RUNX1: variants seen among roughly 807,000 people sequenced by gnomAD.
RUNX1 encodes runt-related transcription factor 1.
A neutral mutation model predicts 42.8 loss-of-function variants in RUNX1; 19 were observed. The observed-to-expected ratio is 0.44, with a 90% CI of 0.31 to 0.65. The LOEUF (loss-of-function observed/expected upper bound fraction) is 0.65, where lower values mean the gene tolerates loss of function less well. Ranked by LOEUF, RUNX1 falls within the 30% of genes least tolerant of loss-of-function variation. The pLI, the probability that RUNX1 is intolerant of heterozygous loss-of-function variation, is 0.07. For missense variants in RUNX1, 528 were observed against 672.0 expected, an observed-to-expected ratio of 0.79 and a Z score of 2.37; for synonymous variants, 271 against 289.4, an observed-to-expected ratio of 0.94 and a Z score of 0.64.
At chr21:34,850,150 T>C (rs2409534) in intron 6 of RUNX1, among the ~76,000 whole-genome samples, 52,491 of 151,944 alleles carry the variant, frequency 0.35, 9,330 homozygotes, top group East Asian at 0.52. Flanking sequence ...GCACAGGAGT[T>C]GATGTATTTT....
At chr21:34,908,576 A>AGG (rs201708857) in intron 2 of RUNX1, among the ~76,000 whole-genome samples, 2 of 152,192 alleles carry the variant, frequency 1.3e-5, no homozygotes, top group Non-Finnish European at 2.9e-5. Flanking sequence ...TTTTGTGGAC[A>AGG]GGGGGGTCGG....
intron 2 of RUNX1, among the ~76,000 whole-genome samples, chr21:35,030,952 C>G (rs1748648504): frequency 6.6e-6 from 1 of 152,194 alleles, no homozygotes; most frequent in Admixed American, 6.5e-5. Flanking sequence ...AAGGTACACA[C>G]ATGTCCAGTA....
intron 6 of RUNX1, among the ~76,000 whole-genome samples, chr21:34,849,278 T>A (rs1454967274): frequency 1.8e-4 from 12 of 66,582 alleles, no homozygotes; most frequent in East Asian, 1.7e-3. Context: ...AATATATATA[T>A]AATATATATT....
At chr21:34,888,865 C>CCGCGCCG (rs2058038003) in intron 3 of RUNX1, among the ~76,000 whole-genome samples, 1 of 151,452 alleles carries the variant, frequency 6.6e-6, no homozygotes, top group South Asian at 2.1e-4. Context: ...GCCCCCGCCG[C>CCGCGCCG]CGCGCCGCGC....
chr21:34,801,100 C>T (rs1031616550), intron 7 of RUNX1, among the ~76,000 whole-genome samples: 1 of 151,474 alleles, frequency 6.6e-6, no homozygotes, highest in Non-Finnish European at 1.5e-5. Context: ...AAGTATTTTG[C>T]TCCAAGTGAA....
intron 6 of RUNX1, among the ~76,000 whole-genome samples, chr21:34,848,947 G>T (rs1039381835): frequency 2.6e-5 from 4 of 151,854 alleles, no homozygotes; most frequent in African/African-American, 9.7e-5. Flanking sequence ...TATTTCAAAT[G>T]TTTACTCTTT....
In RUNX1 at chr21:34,788,105, A is replaced by G. The variant is rs2056390679; in HGVS notation, c.*4030T>C. The G allele has an allele frequency of 1.3e-5, 3 of 233,322 alleles. No homozygotes were observed. Among genetic ancestry groups the G allele is most frequent in the Non-Finnish European group, 2.5e-5 (3 of 118,060 alleles). The allele number at this position is 233,322 out of a possible 1,614,324, so 14.5% of individuals were successfully genotyped here. On this transcript the variant is annotated 3_prime_UTR_variant, in exon 9 of 9. Coordinates refer to ENST00000675419, the MANE Select transcript of RUNX1 (RefSeq NM_001754.5). ...ATCTGGCTGAAGACACCAGCTTGAC[A>G]GTTCCCCTTTAAGAAGCATTCCATA...
chr21:34,860,320 G>T (rs966738267), intron 5 of RUNX1, among the ~76,000 whole-genome samples: 3 of 152,208 alleles, frequency 2.0e-5, no homozygotes, highest in African/African-American at 7.2e-5. Context: ...AACATTTCTT[G>T]TTGGTAAAGT....
chr21:34,879,045 G>GTT (rs2146350275), intron 5 of RUNX1, among the ~76,000 whole-genome samples: 1 of 152,304 alleles, frequency 6.6e-6, no homozygotes, highest in East Asian at 1.9e-4. Flanking sequence ...AATTAAGAGA[G>GTT]TTAGCTAGGC....
At position 34,976,077 on chromosome 21, in the gene RUNX1, C is replaced by A. The variant is rs113505664; in HGVS notation, c.58+72765G>T. 4.5e-3 allele frequency among the ~76,000 whole-genome samples: 654 copies of A among 146,652 alleles called. 9 individuals carry two copies. The highest frequency in any genetic ancestry group is 0.016 in the African/African-American group (632 of 39,534). On this transcript the variant is annotated intron_variant, in intron 2 of 8. Transcript: ENST00000675419. ...GTTTAACTCTGAAAATTACTTGTGT[C>A]TTATTGGAAATTTGGAGGGAGATTG...
intron 7 of RUNX1, among the ~76,000 whole-genome samples, chr21:34,828,680 G>A (rs538167633): frequency 5.3e-5 from 8 of 152,260 alleles, no homozygotes; most frequent in African/African-American, 1.9e-4. Flanking sequence ...TGAGTCATAA[G>A]GGCTCCATCC....
At chr21:34,812,275 G>A (rs2056768007) in intron 7 of RUNX1, among the ~76,000 whole-genome samples, 1 of 152,154 alleles carries the variant, frequency 6.6e-6, no homozygotes, top group Non-Finnish European at 1.5e-5. Flanking sequence ...GCTACACAAG[G>A]GGAATTTGTT....
rs1027126950 is a variant in RUNX1 at position 35,049,171 on chromosome 21, G to A, written c.-63C>T. The A allele has an allele frequency of 8.5e-6, 4 of 472,718 alleles. No homozygotes were observed. Among genetic ancestry groups the A allele is most frequent in the African/African-American group, 4.0e-5 (2 of 50,618 alleles). The allele number at this position is 472,718 out of a possible 1,614,324, so 29.3% of individuals were successfully genotyped here. On this transcript the variant is annotated 5_prime_UTR_variant, in exon 1 of 9. Transcript: ENST00000675419. Reference sequence around the variant, plus strand: ...GCTGTGGGTTGGTGATGCTCACCACGCTGCGAAACCCTGTGGTTTGCATTC... The same window carrying A: ...GCTGTGGGTTGGTGATGCTCACCACACTGCGAAACCCTGTGGTTTGCATTC...
chr21:35,034,216 T>C (rs552988407), intron 2 of RUNX1, among the ~76,000 whole-genome samples: 54 of 152,328 alleles, frequency 3.5e-4, no homozygotes, highest in African/African-American at 1.3e-3. Flanking sequence ...GGGAGAGTAA[T>C]TGTCTCCACT....
chr21:35,004,542 G>A (rs2834720), intron 2 of RUNX1, among the ~76,000 whole-genome samples: 42,390 of 152,046 alleles, frequency 0.28, 6,481 homozygotes, highest in African/African-American at 0.38. Context: ...TAAAGTCACA[G>A]ATAAAGCTTA....
chr21:35,001,308 T>TTATATATATA (rs3059374), intron 2 of RUNX1, among the ~76,000 whole-genome samples: 4 of 142,442 alleles, frequency 2.8e-5, no homozygotes, highest in African/African-American at 5.1e-5. Flanking sequence ...AGTTATGGTT[T>TTATATATATA]TATATATATA....
chr21:34,837,866 C>A (rs1221048258), intron 6 of RUNX1, among the ~76,000 whole-genome samples: 4 of 152,034 alleles, frequency 2.6e-5, no homozygotes, highest in African/African-American at 9.7e-5. Context: ...TAATCTTAAG[C>A]AGAGTTGAAA....
At position 34,791,453 on chromosome 21, in the gene RUNX1, A is replaced by G; in HGVS notation, c.*682T>C. ...GTTTCTCAAAAAAACAAAACAAAAC[A>G]AAAAAAAACAACTACCCAAAAGTCC... On this transcript the variant is annotated 3_prime_UTR_variant, in exon 9 of 9. Coordinates refer to ENST00000675419, the MANE Select transcript of RUNX1 (RefSeq NM_001754.5). 4.4e-6 allele frequency: 1 copy of G among 229,642 alleles called. No individual in the cohort carries two copies. The highest frequency in any genetic ancestry group is 6.2e-5 in the East Asian group (1 of 16,186). 14.2% of individuals were successfully genotyped at this position (229,642 alleles called of 1,614,324 possible).
At position 34,887,248 on chromosome 21, in the gene RUNX1, G is replaced by A. The variant is rs1450847138; in HGVS notation, c.98-152C>T. ...CCTTTATTACTGCGGGGGGTGGGGG[G>A]GGGCGGGGGTGGTTAGGGGAGGAGG... On this transcript the variant is annotated intron_variant, in intron 3 of 8. Coordinates refer to ENST00000675419, the MANE Select transcript of RUNX1 (RefSeq NM_001754.5). The A allele has an allele frequency of 1.4e-5, 9 of 627,840 alleles. No homozygotes were observed. In the East Asian group the frequency reaches 4.6e-4, roughly 32 times the overall value. The allele number at this position is 627,840 out of a possible 1,614,324, so 38.9% of individuals were successfully genotyped here. A position where few individuals can be genotyped will look rare whatever the true frequency, so the allele number is the denominator to read the frequency against.
Sources: gnomAD v4.1 joint callset for allele counts (sites outside exome capture counted in the v4.1 genomes callset) on GRCh38, gnomAD v4.1.1 for gene constraint, MANE v1.5 for transcripts, NCBI Gene and HGNC (gene_info 2026-07-23, HGNC 2026-07-21) for gene names.